Variants in GUCY1A2 observed in about 807,000 individuals in gnomAD.
The protein encoded by GUCY1A2 is guanylate cyclase 1 soluble subunit alpha 2.
A neutral mutation model predicts 63.5 loss-of-function variants in GUCY1A2; 27 were observed. That is an observed-to-expected ratio of 0.43 (90% CI 0.31 to 0.59). GUCY1A2 has a LOEUF of 0.59. Among genes scored for constraint, GUCY1A2 ranks in the 20% least tolerant of loss-of-function variants. The pLI is 0.11. For synonymous variants in GUCY1A2, 364 were observed against 343.5 expected (o/e 1.06, Z -0.66); for missense variants, 768 against 913.3 (o/e 0.84, Z 2.05).
intron 4 of GUCY1A2, among the ~76,000 whole-genome samples, chr11:106,854,955 C>T (rs912859967): frequency 6.6e-6 from 1 of 152,152 alleles, no homozygotes; most frequent in Admixed American, 6.5e-5. Context: ...GGGGACCAAG[C>T]CACAATGCCA....
chr11:106,893,066 T>C (rs1859996462), intron 4 of GUCY1A2, among the ~76,000 whole-genome samples: 1 of 152,182 alleles, frequency 6.6e-6, no homozygotes, highest in South Asian at 2.1e-4. Context: ...AGGAAAATCT[T>C]CTTCCCAAAA....
intron 6 of GUCY1A2, among the ~76,000 whole-genome samples, chr11:106,724,767 A>G (rs1196297023): frequency 6.6e-6 from 1 of 152,200 alleles, no homozygotes; most frequent in Non-Finnish European, 1.5e-5. Flanking sequence ...ACCTGACAAT[A>G]CAGATGTGAG....
At chr11:106,955,828 T>C (rs1860976691) in intron 3 of GUCY1A2, among the ~76,000 whole-genome samples, 1 of 152,142 alleles carries the variant, frequency 6.6e-6, no homozygotes, top group Non-Finnish European at 1.5e-5. Flanking sequence ...ATTTCCTGAA[T>C]TTTCATGTTG....
chr11:106,970,715 C>T (rs1362031031), intron 3 of GUCY1A2, among the ~76,000 whole-genome samples: 1 of 152,128 alleles, frequency 6.6e-6, no homozygotes, highest in Non-Finnish European at 1.5e-5. Context: ...AATTGCACTC[C>T]TAAGTATTTA....
chr11:106,915,235 C>A (rs903424360), intron 4 of GUCY1A2, among the ~76,000 whole-genome samples: 1 of 152,078 alleles, frequency 6.6e-6, no homozygotes, highest in East Asian at 1.9e-4. Flanking sequence ...ACTTGATAGA[C>A]AACTTTATTA....
chr11:107,009,986 C>T (rs1180275613), intron 1 of GUCY1A2, among the ~76,000 whole-genome samples: 2 of 152,186 alleles, frequency 1.3e-5, no homozygotes, highest in Non-Finnish European at 2.9e-5. Context: ...ACCCAGGAAT[C>T]TGCATTCTAA....
At chr11:106,739,278 TAAG>T (rs1307255515) in intron 6 of GUCY1A2, among the ~76,000 whole-genome samples, 1 of 152,204 alleles carries the variant, frequency 6.6e-6, no homozygotes, top group Admixed American at 6.5e-5. Flanking sequence ...CTTTTCAGCT[TAAG>T]AAGATTTTGG....
At chr11:106,846,652 C>T (rs774502277) in intron 4 of GUCY1A2, among the ~76,000 whole-genome samples, 2 of 151,652 alleles carry the variant, frequency 1.3e-5, no homozygotes, top group Non-Finnish European at 3.0e-5. Flanking sequence ...CTCTTCGACA[C>T]TACTTGTTCT....
At chr11:106,906,038 G>A (rs1031872472) in intron 4 of GUCY1A2, among the ~76,000 whole-genome samples, 10 of 152,098 alleles carry the variant, frequency 6.6e-5, no homozygotes. Flanking sequence ...CATGGGCAAG[G>A]ACTTCCTGAC....
intron 3 of GUCY1A2, among the ~76,000 whole-genome samples, chr11:106,946,208 G>C (rs1484959990): frequency 6.6e-6 from 1 of 151,984 alleles, no homozygotes; most frequent in Non-Finnish European, 1.5e-5. Context: ...TTGATATTTT[G>C]TTTTAAAATA....
chr11:106,761,211 C>A (rs1864060494), intron 6 of GUCY1A2, among the ~76,000 whole-genome samples: 3 of 152,170 alleles, frequency 2.0e-5, no homozygotes. Flanking sequence ...TAATCAAATA[C>A]TTTTTTGATA....
At chr11:106,840,266 G>A (rs995185664) in intron 4 of GUCY1A2, among the ~76,000 whole-genome samples, 1 of 151,894 alleles carries the variant, frequency 6.6e-6, no homozygotes, top group Non-Finnish European at 1.5e-5. Context: ...TACTGTAGTG[G>A]TGAAAGAAGA....
At chr11:107,002,066 G>A (rs1182700184) in intron 1 of GUCY1A2, among the ~76,000 whole-genome samples, 2 of 151,706 alleles carry the variant, frequency 1.3e-5, no homozygotes, top group African/African-American at 4.8e-5. Context: ...CAGGCATATT[G>A]TAGTCATAAA....
chr11:107,001,242 C>T (rs1305844266), intron 1 of GUCY1A2, among the ~76,000 whole-genome samples: 1 of 152,072 alleles, frequency 6.6e-6, no homozygotes, highest in Non-Finnish European at 1.5e-5. Context: ...AGTATTTTCC[C>T]CAAATAACTG....
intron 4 of GUCY1A2, chr11:106,827,449 C>A: frequency 6.9e-7 from 1 of 1,441,976 alleles, no homozygotes; most frequent in Non-Finnish European, 9.8e-7. Context: ...GATCATTATT[C>A]TTTTAGCTTT....
chr11:107,015,992 A>G (rs1861818149), intron 1 of GUCY1A2, among the ~76,000 whole-genome samples: 1 of 152,242 alleles, frequency 6.6e-6, no homozygotes, highest in East Asian at 1.9e-4. Context: ...AAATTAGTTC[A>G]AAATAAATAA....
chr11:106,957,239 C>G (rs920823351), intron 3 of GUCY1A2, among the ~76,000 whole-genome samples: 1 of 152,134 alleles, frequency 6.6e-6, no homozygotes, highest in Non-Finnish European at 1.5e-5. Context: ...AGTGCTGACT[C>G]TTGCCCCTCC....
In GUCY1A2 at chr11:106,684,402, C is replaced by T. The variant is rs922602655; in HGVS notation, c.*3147G>A. On this transcript the variant is annotated 3_prime_UTR_variant, in exon 8 of 8. Coordinates refer to ENST00000526355, the MANE Select transcript of GUCY1A2 (RefSeq NM_000855.3). Reference sequence around the variant, plus strand: ...CTTCCCCTTCTCTACGTTATATAGACAAGAGATCCAACTACTATGTTTCTG... The same window carrying T: ...CTTCCCCTTCTCTACGTTATATAGATAAGAGATCCAACTACTATGTTTCTG... The T allele has an allele frequency of 1.0e-5, 2 of 192,090 alleles. No individual in the cohort carries two copies. The highest frequency in any genetic ancestry group is 4.7e-5 in the African/African-American group (2 of 43,000). The allele number at this position is 192,090 out of a possible 1,614,324, so 11.9% of individuals were successfully genotyped here. A position where few individuals can be genotyped will look rare whatever the true frequency, so the allele number is the denominator to read the frequency against.
intron 6 of GUCY1A2, among the ~76,000 whole-genome samples, chr11:106,715,351 A>G (rs1400713861): frequency 6.6e-6 from 1 of 152,178 alleles, no homozygotes; most frequent in Non-Finnish European, 1.5e-5. Flanking sequence ...CATTTTACAA[A>G]TAGACTGAAG....
Sources: allele counts gnomAD v4.1 joint callset (sites outside exome capture counted in the v4.1 genomes callset), GRCh38; gene constraint gnomAD v4.1.1; transcripts MANE v1.5; gene names NCBI Gene and HGNC (gene_info 2026-07-23, HGNC 2026-07-21).